Variants in NCALD observed in about 807,000 individuals in gnomAD.
NCALD encodes the protein neurocalcin-delta.
In NCALD, 10 loss-of-function variants were observed where a neutral mutation model predicts 18.6. The observed-to-expected ratio is 0.54, with a 90% confidence interval of 0.33 to 0.91. The LOEUF (loss-of-function observed/expected upper bound fraction) is 0.91. Ranked by LOEUF, NCALD falls within the 40% of genes least tolerant of loss-of-function variation. The pLI, the probability that NCALD is intolerant of heterozygous loss-of-function variation, is 0.03. For missense variants in NCALD, 184 were observed against 247.6 expected (o/e 0.74, Z 1.72); for synonymous variants, 88 against 87.4 (o/e 1.01, Z -0.04).
intron 1 of NCALD, among the ~76,000 whole-genome samples, chr8:102,041,896 C>T (rs1350515821): frequency 6.6e-6 from 1 of 151,908 alleles, no homozygotes; most frequent in East Asian, 1.9e-4. Context: ...CTCTCTTTAA[C>T]CAAAAAAGCG....
intron 2 of NCALD, among the ~76,000 whole-genome samples, chr8:101,987,555 AAAAC>A (rs1428636845): frequency 1.3e-5 from 2 of 152,192 alleles, no homozygotes; most frequent in Non-Finnish European, 2.9e-5. Context: ...CAATGCATGA[AAAAC>A]AAATCCAAGA....
At chr8:101,721,260 G>T (rs1816343741) in intron 1 of NCALD, 1 of 152,282 alleles carries the variant, frequency 6.6e-6, no homozygotes, top group African/African-American at 2.4e-5. Context: ...TCTTCTTTGC[G>T]ATTTCACGCA....
chr8:101,881,453 C>T (rs1816491953), intron 4 of NCALD, among the ~76,000 whole-genome samples: 1 of 152,174 alleles, frequency 6.6e-6, no homozygotes, highest in Non-Finnish European at 1.5e-5. Context: ...ACTAAAATGT[C>T]AAACACCATC....
intron 1 of NCALD, among the ~76,000 whole-genome samples, chr8:101,785,232 A>G (rs1253203703): frequency 6.6e-6 from 1 of 152,212 alleles, no homozygotes; most frequent in East Asian, 1.9e-4. Context: ...AGCTATTATT[A>G]TAATACTCTT....
intron 1 of NCALD, among the ~76,000 whole-genome samples, chr8:102,081,622 A>C (rs1428822337): frequency 1.3e-5 from 2 of 151,598 alleles, no homozygotes; most frequent in Non-Finnish European, 2.9e-5. Flanking sequence ...ACCTCTTCCG[A>C]ACTCTGCAAT....
At chr8:101,971,412 T>C (rs946922849) in intron 2 of NCALD, among the ~76,000 whole-genome samples, 2 of 151,968 alleles carry the variant, frequency 1.3e-5, no homozygotes, top group African/African-American at 4.8e-5. Context: ...TGGGAGGTGA[T>C]TGGATCATGG....
intron 2 of NCALD, among the ~76,000 whole-genome samples, chr8:102,019,584 A>G (rs1471580940): frequency 6.6e-6 from 1 of 152,196 alleles, no homozygotes; most frequent in Non-Finnish European, 1.5e-5. Context: ...AAGTTCCACC[A>G]TACATTTAAG....
intron 4 of NCALD, among the ~76,000 whole-genome samples, chr8:101,828,820 A>G (rs1004718253): frequency 2.6e-5 from 4 of 151,966 alleles, no homozygotes; most frequent in African/African-American, 9.7e-5. Flanking sequence ...AAGTTTCATG[A>G]GAGCTGGGTT....
chr8:101,981,993 G>A (rs1820636125), intron 2 of NCALD, among the ~76,000 whole-genome samples: 1 of 152,120 alleles, frequency 6.6e-6, no homozygotes. Flanking sequence ...TTCTCCCGCT[G>A]AGTTCACGTG....
chr8:101,763,952 T>TTC (rs149384386), intron 1 of NCALD, among the ~76,000 whole-genome samples: 7 of 122,148 alleles, frequency 5.7e-5, no homozygotes, highest in South Asian at 6.1e-4. Context: ...TATGACAAAT[T>TTC]TCTCTCTCTC....
At chr8:101,913,405 C>A (rs1817869517) in intron 3 of NCALD, among the ~76,000 whole-genome samples, 1 of 152,196 alleles carries the variant, frequency 6.6e-6, no homozygotes, top group South Asian at 2.1e-4. Flanking sequence ...AACTTGAATG[C>A]AGAAAATCAT....
At chr8:102,123,460 G>GAAAAAA (rs5893600) in intron 1 of NCALD, among the ~76,000 whole-genome samples, 10 of 140,172 alleles carry the variant, frequency 7.1e-5, no homozygotes, top group East Asian at 4.2e-4. Flanking sequence ...TGCAGCATTA[G>GAAAAAA]AAAAAAAAAA....
chr8:101,716,257 G>A (rs1816074697), intron 2 of NCALD, among the ~76,000 whole-genome samples: 1 of 152,072 alleles, frequency 6.6e-6, no homozygotes, highest in East Asian at 1.9e-4. Flanking sequence ...CTCATAGGTG[G>A]GAGTTGAACA....
chr8:102,039,310 A>C (rs1822971514), intron 1 of NCALD, among the ~76,000 whole-genome samples: 1 of 152,188 alleles, frequency 6.6e-6, no homozygotes, highest in South Asian at 2.1e-4. Flanking sequence ...GCAATAGAAA[A>C]GGAATATAAT....
At chr8:102,073,569 A>C (rs1824248461) in intron 1 of NCALD, among the ~76,000 whole-genome samples, 1 of 152,104 alleles carries the variant, frequency 6.6e-6, no homozygotes, top group Non-Finnish European at 1.5e-5. Flanking sequence ...CCTAAAATTT[A>C]AAACAAAACA....
At chr8:101,743,401 A>G (rs1810295264) in intron 1 of NCALD, among the ~76,000 whole-genome samples, 1 of 152,354 alleles carries the variant, frequency 6.6e-6, no homozygotes, top group African/African-American at 2.4e-5. Flanking sequence ...AGTTAAGGCA[A>G]TAACACGTTA....
At chr8:102,007,545 C>G (rs1044338778) in intron 2 of NCALD, among the ~76,000 whole-genome samples, 1 of 152,202 alleles carries the variant, frequency 6.6e-6, no homozygotes, top group Non-Finnish European at 1.5e-5. Flanking sequence ...TGACGCTAAA[C>G]TACAGCATGA....
intron 1 of NCALD, among the ~76,000 whole-genome samples, chr8:102,073,011 A>AT (rs2132301264): frequency 6.6e-6 from 1 of 152,366 alleles, no homozygotes; most frequent in East Asian, 1.9e-4. Flanking sequence ...CATGTACATA[A>AT]TAAAAAGTGC....
chr8:101,845,935 A>ATTTGTC (rs1156545071), intron 4 of NCALD, among the ~76,000 whole-genome samples: 10 of 152,188 alleles, frequency 6.6e-5, no homozygotes, highest in African/African-American at 2.4e-4. Flanking sequence ...TATCTGTGAT[A>ATTTGTC]TTTGTCTTTC....
Sources: allele counts gnomAD v4.1 joint callset (sites outside exome capture counted in the v4.1 genomes callset), GRCh38; gene constraint gnomAD v4.1.1; transcripts MANE v1.5; gene names NCBI Gene and HGNC (gene_info 2026-07-23, HGNC 2026-07-21).